The following BRD3 variants were observed in gnomAD, a reference collection of about 807,000 sequenced individuals.
BRD3 encodes bromodomain containing 3.
Under a neutral mutation model 66.8 loss-of-function variants are expected in BRD3, and 17 were observed. The ratio of observed to expected loss-of-function variants is 0.25; its 90% confidence interval spans 0.17 to 0.38. BRD3 has a LOEUF of 0.38. Ranked by LOEUF, BRD3 falls within the 10% of genes least tolerant of loss-of-function variation. The probability of loss-of-function intolerance (pLI) is 1.00; values close to 1 mark genes in which losing one functional copy is unlikely to be tolerated. For missense variants in BRD3, 713 were observed against 956.1 expected, an observed-to-expected ratio of 0.75 and a Z score of 3.35; for synonymous variants, 421 against 393.2, an observed-to-expected ratio of 1.07 and a Z score of -0.84.
intron 1 of BRD3, among the ~76,000 whole-genome samples, chr9:134,062,032 G>A (rs1367509790): frequency 1.3e-5 from 2 of 152,232 alleles, no homozygotes; most frequent in African/African-American, 4.8e-5. Context: ...ATCTGTCAGG[G>A]CAGGGCTGCC....
chr9:134,061,992 G>T (rs1830552742), intron 1 of BRD3, among the ~76,000 whole-genome samples: 1 of 152,184 alleles, frequency 6.6e-6, no homozygotes, highest in African/African-American at 2.4e-5. Flanking sequence ...GTGGTGACCA[G>T]CGGCCACCCT....
At chr9:134,034,652 C>T in intron 11 of BRD3, 49 bp downstream of exon 11, 1 of 1,596,116 alleles carries the variant, frequency 6.3e-7, no homozygotes, top group Non-Finnish European at 8.5e-7. Context: ...CTACTGCTGA[C>T]ACCCCCCACC....
At position 134,050,528 on chromosome 9, in the gene BRD3, G is replaced by A. The variant is rs1432081109; in HGVS notation, c.560C>T (p.Pro187Leu). ...GACGGGCGTCTGGGAGACGGTGGGG[G>A]GCACGCTCTGAAAGGGGGTCGCTGG... ...VSPATPFQSVPPTVSQTPVIA... is the reference protein window; with the variant it reads ...VSPATPFQSVLPTVSQTPVIA... The change falls in exon 5 of 12, where the codon CCC (proline) becomes CTC (leucine). Residue 187 changes from proline (P) to leucine (L), a missense_variant. This residue lies in a region of BRD3 where 120 missense variants were observed against 122.8 expected (regional missense o/e 0.98). Transcript: ENST00000303407. 3 of 1,604,794 alleles carry A rather than the reference G, an allele frequency of 1.9e-6. No individual in the cohort carries two copies. Among genetic ancestry groups the A allele is most frequent in the South Asian group, 2.2e-5 (2 of 89,886 alleles).
Position 134,048,131 on chromosome 9 carries a change from G to C in BRD3, c.1038C>G (p.His346Gln). The change falls in exon 6 of 12, where the codon CAC becomes CAG. Residue 346 changes from histidine (H) to glutamine (Q), a missense_variant. His to Gln is a conservative substitution (Grantham distance 24). This residue lies in a region of BRD3 where 418 missense variants were observed against 609.3 expected (regional missense o/e 0.69). Transcript: ENST00000303407. ...KPVDAEALEL[H>Q]DYHDIIKHPM... ...GGTGCTTGATGATGTCGTGGTAGTC[G>C]TGCAGCTCCAGGGCCTCGGCATCCA... The C allele has an allele frequency of 6.2e-7, 1 of 1,603,398 alleles. No individual in the cohort carries two copies. The highest frequency in any genetic ancestry group is 8.5e-7 in the Non-Finnish European group (1 of 1,175,050).
At chr9:134,065,206 C>A (rs145316974) in intron 1 of BRD3, among the ~76,000 whole-genome samples, 1 of 152,164 alleles carries the variant, frequency 6.6e-6, no homozygotes, top group Non-Finnish European at 1.5e-5. Flanking sequence ...AGGTGGATCA[C>A]GAGGTGAGGA....
chr9:134,056,308 C>T (rs1830423978), intron 1 of BRD3, among the ~76,000 whole-genome samples: 1 of 152,234 alleles, frequency 6.6e-6, no homozygotes, highest in Admixed American at 6.5e-5. Flanking sequence ...AACACACCAA[C>T]CCCAACAAGA....
Position 134,041,961 on chromosome 9 carries a change from A to T in BRD3, c.1216-10T>A. On this transcript the variant is annotated splice_polypyrimidine_tract_variant and intron_variant, in intron 7 of 11. Coordinates refer to ENST00000303407, the MANE Select transcript of BRD3 (RefSeq NM_007371.4). ...TCATCTCAAACACGTCCTGCGGCAG[A>T]ACAGAGGCTGCCCTGAAGACATGGG... 6.4e-7 allele frequency: 1 copy of T among 1,562,396 alleles called. No homozygotes were observed. The highest frequency in any genetic ancestry group is 8.7e-7 in the Non-Finnish European group (1 of 1,151,508).
At chr9:134,065,664 C>G (rs1315540800) in intron 1 of BRD3, among the ~76,000 whole-genome samples, 2 of 152,192 alleles carry the variant, frequency 1.3e-5, no homozygotes, top group African/African-American at 4.8e-5. Context: ...CCGTGTGTAT[C>G]CACAGCAAAA....
intron 1 of BRD3, among the ~76,000 whole-genome samples, chr9:134,061,307 C>T (rs1468101160): frequency 1.3e-5 from 2 of 152,228 alleles, no homozygotes; most frequent in African/African-American, 2.4e-5. Flanking sequence ...GCAAAAAGTC[C>T]TTATTTGGGG....
intron 1 of BRD3, 28 bp from the exon 2 acceptor site, chr9:134,053,618 G>A (rs1830351110): frequency 7.0e-7 from 1 of 1,433,346 alleles, no homozygotes; most frequent in South Asian, 1.5e-5. Context: ...CAACAGAGAG[G>A]AAGGCCAGTC....
Position 134,050,394 on chromosome 9 carries a change from G to C in BRD3, c.694C>G (p.Pro232Ala), listed in dbSNP as rs1188658100. 1.2e-6 allele frequency: 2 copies of C among 1,611,754 alleles called. No homozygotes were observed. Among genetic ancestry groups the C allele is most frequent in the Non-Finnish European group, 1.7e-6 (2 of 1,179,736 alleles). The change falls in exon 5 of 12, where the codon CCT becomes GCT. Residue 232 changes from proline to alanine, a missense_variant. Around this residue, in one of 5 missense-constraint regions of BRD3, gnomAD observed 120 missense variants for 122.8 expected, o/e 0.98. Coordinates refer to ENST00000303407, the MANE Select transcript of BRD3 (RefSeq NM_007371.4). ...PATPIVPVVP[P>A]TPPVVKKKGV... ...CTCACCTTGACGACAGGCGGCGTAG[G>C]AGGGACCACGGGGACGATGGGTGTG...
intron 9 of BRD3, among the ~76,000 whole-genome samples, chr9:134,037,287 C>T (rs1033524723): frequency 4.0e-5 from 6 of 151,502 alleles, no homozygotes; most frequent in African/African-American, 1.5e-4. Flanking sequence ...AAGGACAACG[C>T]AGGGCTGGGC....
At chr9:134,065,061 G>A (rs1468324036) in intron 1 of BRD3, among the ~76,000 whole-genome samples, 1 of 152,230 alleles carries the variant, frequency 6.6e-6, no homozygotes, top group African/African-American at 2.4e-5. Flanking sequence ...TTTACGGCAA[G>A]AAGCCTTGCA....
chr9:134,051,848 T>TGC, intron 3 of BRD3, 139 bp from the exon 4 acceptor site: 1 of 399,088 alleles, frequency 2.5e-6, no homozygotes, highest in East Asian at 5.4e-5. Flanking sequence ...AATGAATATA[T>TGC]GTGTGTGTGT....
chr9:134,049,066 T>C (rs1003817569), intron 5 of BRD3, among the ~76,000 whole-genome samples: 1 of 151,978 alleles, frequency 6.6e-6, no homozygotes, highest in Non-Finnish European at 1.5e-5. Flanking sequence ...CTGGACTCCA[T>C]CCCAGCAGCA....
chr9:134,045,371 A>G lies in BRD3; in HGVS notation c.1137T>C (p.Asp379=). Reference sequence around the variant, plus strand: ...AGCAATTCGAGAACATCAGCCGGACATCAGCAGCAAAGCCCTGTGCGTCTG... The same window carrying G: ...AGCAATTCGAGAACATCAGCCGGACGTCAGCAGCAAAGCCCTGTGCGTCTG... ...EYPDAQGFAA[D]VRLMFSNCYK... is the part of the protein sequence containing the mutation. Residue 379 remains aspartate, a synonymous_variant, in exon 7 of 12, where the codon GAT becomes GAC. Transcript: ENST00000303407. The surrounding 1 kb of genome is among the most constrained non-coding windows in gnomAD (Gnocchi z 4.8). 2 of 1,613,718 alleles carry G rather than the reference A, an allele frequency of 1.2e-6. No individual in the cohort carries two copies. Among genetic ancestry groups the G allele is most frequent in the South Asian group, 1.1e-5 (1 of 91,086 alleles).
chr9:134,032,807 T>C lies in BRD3; in HGVS notation c.*783A>G, dbSNP rs1033159815. The C allele has an allele frequency of 1.2e-5, 3 of 253,700 alleles. No individual in the cohort carries two copies. The highest frequency in any genetic ancestry group is 6.6e-5 in the African/African-American group (3 of 45,526). 15.7% of individuals were successfully genotyped at this position (253,700 alleles called of 1,614,324 possible). A position where few individuals can be genotyped will look rare whatever the true frequency, so the allele number is the denominator to read the frequency against. On this transcript the variant is annotated 3_prime_UTR_variant, in exon 12 of 12. Transcript: ENST00000303407. ...GGACTCACAGCGGGCTGGACTTCCG[T>C]AGAAAATTGCCGAACCTTACAAAAA...
In BRD3 at chr9:134,045,512, G is replaced by T; in HGVS notation, c.1087-91C>A. On this transcript the variant is annotated intron_variant, in intron 6 of 11. Coordinates refer to ENST00000303407, the MANE Select transcript of BRD3 (RefSeq NM_007371.4). The surrounding 1 kb of genome is among the most constrained non-coding windows in gnomAD (Gnocchi z 4.8). ...CACGAGATGAACTCTGGAGCCTCAG[G>T]AGCCACTGCCAGCTCCAGGGCAGTG... The T allele has an allele frequency of 6.4e-7, 1 of 1,570,786 alleles. No individual in the cohort carries two copies. The highest frequency in any genetic ancestry group is 8.7e-7 in the Non-Finnish European group (1 of 1,150,792).
chr9:134,032,063 C>T lies in BRD3; in HGVS notation c.*1527G>A, dbSNP rs375606332. 2.1e-4 allele frequency: 45 copies of T among 218,548 alleles called. No homozygotes were observed. The highest frequency in any genetic ancestry group is 7.0e-4 in the African/African-American group (31 of 44,336). 13.5% of individuals were successfully genotyped at this position (218,548 alleles called of 1,614,324 possible). A position where few individuals can be genotyped will look rare whatever the true frequency, so the allele number is the denominator to read the frequency against. On this transcript the variant is annotated 3_prime_UTR_variant, in exon 12 of 12. Transcript: ENST00000303407. ...CTGGCAGGGAGCAGGCATGTCCACCCGCAAGCCTGGGAGGCTAACTCTGGC... is the reference window on the plus strand; with the variant it reads ...CTGGCAGGGAGCAGGCATGTCCACCTGCAAGCCTGGGAGGCTAACTCTGGC...
Sources: gnomAD v4.1 joint callset for allele counts (sites outside exome capture counted in the v4.1 genomes callset) on GRCh38, gnomAD v4.1.1 for gene constraint, gnomAD v4.1.1 regional missense constraint, Gnocchi (gnomAD v3.1) non-coding constraint, MANE v1.5 for transcripts, NCBI Gene and HGNC (gene_info 2026-07-23, HGNC 2026-07-21) for gene names.